Variants in DHRS3 observed in about 807,000 individuals in gnomAD.
DHRS3 encodes the protein dehydrogenase/reductase 3.
Under a neutral mutation model 27.2 loss-of-function variants are expected in DHRS3, and 14 were observed. The ratio of observed to expected loss-of-function variants is 0.52; its 90% CI spans 0.34 to 0.81. DHRS3 has a LOEUF of 0.81. Ranked by LOEUF, DHRS3 falls within the 30% of genes least tolerant of loss-of-function variation. The pLI, the probability that DHRS3 is intolerant of heterozygous loss-of-function variation, is 0.01. For synonymous variants in DHRS3, 165 were observed against 175.9 expected (o/e 0.94, Z 0.49); for missense variants, 322 against 406.2 (o/e 0.79, Z 1.78).
chr1:12,585,217 G>GTGTGTCTCTGTGAGTGTGTGTCTCTC, intron 1 of DHRS3, among the ~76,000 whole-genome samples: 1 of 12,802 alleles, frequency 7.8e-5, no homozygotes, highest in African/African-American at 2.9e-4. Flanking sequence ...GTGTATCTCT[G>GTGTGTCTCTGTGAGTGTGTGTCTCTC]TGTGTGTGTG....
chr1:12,587,362 C>G (rs1025097494), intron 1 of DHRS3, among the ~76,000 whole-genome samples: 1 of 151,620 alleles, frequency 6.6e-6, no homozygotes, highest in Non-Finnish European at 1.5e-5. Flanking sequence ...AGGCTGGTCT[C>G]AAGCTCCTGG....
At position 12,617,396 on chromosome 1, in the gene DHRS3, C is replaced by A. The variant is rs1307972317; in HGVS notation, c.-48G>T. 19 of 1,564,344 alleles carry A rather than the reference C, an allele frequency of 1.2e-5. No individual in the cohort carries two copies. Among genetic ancestry groups the A allele is most frequent in the Non-Finnish European group, 1.6e-5 (18 of 1,150,278 alleles). ...AGGGGGCGAAACTCCCCGGGCCGAG[C>A]AATACAGGAATTAAAAAACACCCCG... On this transcript the variant is annotated 5_prime_UTR_variant, in exon 1 of 6. Coordinates refer to ENST00000616661, the MANE Select transcript of DHRS3 (RefSeq NM_004753.7).
rs1557508670 is a variant in DHRS3, at chr1:12,568,554, C to CCA, written c.825-132_825-131dup. ...TGAAAGTGCTCCCCACACCTCCAAGCCACACACCAGTTTCTCCCCAAACCC... is the reference window on the plus strand; with the variant it reads ...TGAAAGTGCTCCCCACACCTCCAAGCCACACACACCAGTTTCTCCCCAAACCC... On this transcript the variant is annotated intron_variant, in intron 5 of 5. Transcript: ENST00000616661. 4 of 795,258 alleles carry CCA rather than the reference C, an allele frequency of 5.0e-6. No homozygotes were observed. The African/African-American group carries it at 6.9e-5, about 14-fold the overall frequency. 49.3% of individuals were successfully genotyped at this position (795,258 alleles called of 1,614,324 possible).
chr1:12,609,622 A>G (rs1055798357), intron 1 of DHRS3, among the ~76,000 whole-genome samples: 1 of 152,178 alleles, frequency 6.6e-6, no homozygotes, highest in Non-Finnish European at 1.5e-5. Flanking sequence ...ATATTTTTGG[A>G]GGAGGCATGG....
At position 12,613,789 on chromosome 1, in the gene DHRS3, A is replaced by C. The variant is rs1033858783; in HGVS notation, c.195+3365T>G. Among the ~76,000 whole-genome samples, 10 of 151,916 alleles carry C rather than the reference A, an allele frequency of 6.6e-5. No homozygotes were observed. In the South Asian group the frequency reaches 2.1e-3, roughly 32 times the overall value. On this transcript the variant is annotated intron_variant, in intron 1 of 5. Transcript: ENST00000616661. ...TTTTTTGTTTGTTTGTTTGTTTTTG[A>C]GACAGAGTTTTGCTCTGTCGCCCAG...
chr1:12,583,054 A>G (rs1350384567), intron 1 of DHRS3, among the ~76,000 whole-genome samples: 1 of 115,854 alleles, frequency 8.6e-6, no homozygotes, highest in South Asian at 2.7e-4. Flanking sequence ...CCACTCATCC[A>G]CTCACCTACC....
At chr1:12,587,642 G>A (rs896217726) in intron 1 of DHRS3, among the ~76,000 whole-genome samples, 4 of 152,138 alleles carry the variant, frequency 2.6e-5, no homozygotes, top group Non-Finnish European at 5.9e-5. Flanking sequence ...AGGGGACAGA[G>A]GCTGCAGTGA....
At chr1:12,568,549 C>G in intron 5 of DHRS3, 125 bp from the exon 6 acceptor site, 1 of 818,794 alleles carries the variant, frequency 1.2e-6, no homozygotes, top group East Asian at 2.6e-5. Context: ...CCCCACACCT[C>G]CAAGCCACAC....
intron 1 of DHRS3, among the ~76,000 whole-genome samples, chr1:12,585,403 G>GTGAGTGA (rs1646688888): frequency 6.6e-6 from 1 of 152,180 alleles, no homozygotes; most frequent in Admixed American, 6.5e-5. Flanking sequence ...GACTGTGTGT[G>GTGAGTGA]TGTGAGTGAG....
In DHRS3 at chr1:12,586,650, C is replaced by T. The variant is rs1040329962; in HGVS notation, c.196-5984G>A. On this transcript the variant is annotated intron_variant, in intron 1 of 5. Coordinates refer to ENST00000616661, the MANE Select transcript of DHRS3 (RefSeq NM_004753.7). The surrounding 1 kb of genome is among the most constrained non-coding windows in gnomAD (Gnocchi z 5.0). ...ATAAACAAGAAAACCTCATTTGCAT[C>T]GGGGAATTGACAAGGTAGCCATATC... is the stretch of plus-strand genomic sequence containing the variant. Among the ~76,000 whole-genome samples the T allele has an allele frequency of 6.6e-5, 10 of 152,162 alleles. No individual in the cohort carries two copies. The highest frequency in any genetic ancestry group is 1.3e-4 in the Admixed American group (2 of 15,276).
At position 12,617,569 on chromosome 1, in the gene DHRS3, C is replaced by T. The variant is rs1474709918; in HGVS notation, c.-221G>A. 2 of 433,772 alleles carry T rather than the reference C, an allele frequency of 4.6e-6. No individual in the cohort carries two copies. The highest frequency in any genetic ancestry group is 3.9e-6 in the Non-Finnish European group (1 of 255,338). 26.9% of individuals were successfully genotyped at this position (433,772 alleles called of 1,614,324 possible). ...AAATTCTCCTCTGGGGGAGAAAAAG[C>T]GTCTCCTAAGGTTGGGACGGTAAAA... On this transcript the variant is annotated 5_prime_UTR_variant, in exon 1 of 6. Transcript: ENST00000616661.
intron 1 of DHRS3, among the ~76,000 whole-genome samples, chr1:12,585,672 C>G (rs1249211590): frequency 6.6e-6 from 1 of 152,164 alleles, no homozygotes; most frequent in Non-Finnish European, 1.5e-5. Flanking sequence ...GGGGAATCTG[C>G]GTCACTGACC....
chr1:12,569,231 T>TCACACACACACACA (rs57427000), intron 5 of DHRS3, among the ~76,000 whole-genome samples: 66 of 110,572 alleles, frequency 6.0e-4, no homozygotes, highest in African/African-American at 1.7e-3. Context: ...TCTCTCTCTC[T>TCACACACACACACA]CACACACACA....
rs141926698 is a variant in DHRS3, at chr1:12,584,515, C to T, written c.196-3849G>A. 4.6e-3 allele frequency among the ~76,000 whole-genome samples: 690 copies of T among 150,714 alleles called. 7 individuals are homozygous for T. The highest frequency in any genetic ancestry group is 0.016 in the African/African-American group (658 of 40,974). ...CACCCCCCAGGCCCCAATTCTATCC[C>T]GTTCACATCCCAGTGCCCAGCATAG... On this transcript the variant is annotated intron_variant, in intron 1 of 5. Coordinates refer to ENST00000616661, the MANE Select transcript of DHRS3 (RefSeq NM_004753.7).
In DHRS3 at chr1:12,593,146, G is replaced by A. The variant is rs564256490; in HGVS notation, c.196-12480C>T. ...CCACATCACCCTGCTTATGACTACT[G>A]ATGGCTGCCCATCTCACAGACTGGA... On this transcript the variant is annotated intron_variant, in intron 1 of 5. Coordinates refer to ENST00000616661, the MANE Select transcript of DHRS3 (RefSeq NM_004753.7). The surrounding 1 kb of genome is among the most constrained non-coding windows in gnomAD (Gnocchi z 4.6). Among the ~76,000 whole-genome samples the A allele has an allele frequency of 2.6e-5, 4 of 152,252 alleles. No homozygotes were observed. In the East Asian group the frequency reaches 7.7e-4, roughly 29 times the overall value.
chr1:12,579,040 C>A, intron 3 of DHRS3, 84 bp from the exon 4 acceptor site: 1 of 1,346,602 alleles, frequency 7.4e-7, no homozygotes, highest in East Asian at 2.4e-5. Context: ...CAGCCCACCC[C>A]GGACACACAT....
At chr1:12,600,997 C>A (rs1425997988) in intron 1 of DHRS3, among the ~76,000 whole-genome samples, 1 of 151,014 alleles carries the variant, frequency 6.6e-6, no homozygotes, top group Admixed American at 6.6e-5. Context: ...GGTTGGGGGG[C>A]GCGGTGGTAA....
In DHRS3 at chr1:12,608,825, C is replaced by G. The variant is rs1311360682; in HGVS notation, c.195+8329G>C. Among the ~76,000 whole-genome samples the G allele has an allele frequency of 1.3e-5, 2 of 152,160 alleles. No homozygotes were observed. The highest frequency in any genetic ancestry group is 4.8e-5 in the African/African-American group (2 of 41,424). ...AGAACCATCTAGAACAGGTCCCATG[C>G]CTCTGTGGTACTGGAATGCAGCTGA... On this transcript the variant is annotated intron_variant, in intron 1 of 5. Transcript: ENST00000616661. The surrounding 1 kb of genome is among the most constrained non-coding windows in gnomAD (Gnocchi z 4.1).
chr1:12,583,291 A>G (rs1214897716), intron 1 of DHRS3, among the ~76,000 whole-genome samples: 1 of 144,708 alleles, frequency 6.9e-6, no homozygotes, highest in Non-Finnish European at 1.5e-5. Context: ...ACCCCATTCC[A>G]TTAGTCTATC....
Sources: gnomAD v4.1 joint callset for allele counts (sites outside exome capture counted in the v4.1 genomes callset) on GRCh38, gnomAD v4.1.1 for gene constraint, Gnocchi (gnomAD v3.1) non-coding constraint, MANE v1.5 for transcripts, NCBI Gene and HGNC (gene_info 2026-07-23, HGNC 2026-07-21) for gene names.